The following PRKAG2 variants were observed in gnomAD, a reference collection of about 807,000 sequenced individuals.
PRKAG2 encodes the protein 5'-AMP-activated protein kinase subunit gamma-2.
PRKAG2 carries 26 observed loss-of-function variants against 69.6 expected under a neutral mutation model. The ratio of observed to expected loss-of-function variants is 0.37; its 90% CI spans 0.27 to 0.52. PRKAG2 has a LOEUF of 0.52. PRKAG2 is among the 20% of genes least tolerant of loss of function. The pLI is 0.90. For synonymous variants in PRKAG2, 293 were observed against 285.0 expected (o/e 1.03, Z -0.28); for missense variants, 557 against 740.0 (o/e 0.75, Z 2.87).
chr7:151,631,662 T>C (rs1272443132), intron 5 of PRKAG2: 2 of 456,688 alleles, frequency 4.4e-6, no homozygotes. Context: ...CAGGCGCAGA[T>C]AAGGGCACCA....
At chr7:151,608,069 G>A (rs1344960107) in intron 5 of PRKAG2, among the ~76,000 whole-genome samples, 1 of 152,164 alleles carries the variant, frequency 6.6e-6, no homozygotes, top group African/African-American at 2.4e-5. Flanking sequence ...AGGGCCACGT[G>A]AAGACAGGTG....
At chr7:151,718,312 C>G (rs1439027370) in intron 3 of PRKAG2, among the ~76,000 whole-genome samples, 2 of 152,070 alleles carry the variant, frequency 1.3e-5, no homozygotes, top group African/African-American at 4.8e-5. Context: ...TCTTGTAAGG[C>G]CACAGTCCTA....
chr7:151,852,767 C>T (rs1276462846), intron 1 of PRKAG2, among the ~76,000 whole-genome samples: 1 of 152,098 alleles, frequency 6.6e-6, no homozygotes, highest in African/African-American at 2.4e-5. Flanking sequence ...GGGGTGTGCA[C>T]GGAGCTTCTG....
intron 14 of PRKAG2, 39 bp downstream of exon 14, chr7:151,564,039 G>T (rs771409225): frequency 6.2e-7 from 1 of 1,613,312 alleles, no homozygotes; most frequent in South Asian, 1.1e-5. Flanking sequence ...ACTTGTTGCA[G>T]TGGACGTCGG....
intron 4 of PRKAG2, among the ~76,000 whole-genome samples, chr7:151,634,653 C>T (rs374960918): frequency 1.8e-4 from 28 of 152,132 alleles, no homozygotes; most frequent in East Asian, 7.7e-4. Context: ...ATAAACACTA[C>T]CAATATTAAA....
chr7:151,772,296 C>T (rs954600339), intron 3 of PRKAG2, among the ~76,000 whole-genome samples: 12 of 152,112 alleles, frequency 7.9e-5, no homozygotes, highest in Admixed American at 7.9e-4. Context: ...CTCTTCTATC[C>T]CTCTCCCACC....
chr7:151,802,558 T>C (rs1209840469), intron 1 of PRKAG2, among the ~76,000 whole-genome samples: 1 of 152,200 alleles, frequency 6.6e-6, no homozygotes, highest in Non-Finnish European at 1.5e-5. Flanking sequence ...CCTCTTAGTC[T>C]GCACTGCCCT....
At chr7:151,873,323 A>G (rs2080263988) in intron 1 of PRKAG2, among the ~76,000 whole-genome samples, 1 of 152,228 alleles carries the variant, frequency 6.6e-6, no homozygotes, top group Non-Finnish European at 1.5e-5. Flanking sequence ...CTCTCTAAAC[A>G]CATCAGGCCA....
intron 15 of PRKAG2, chr7:151,557,513 T>C (rs548768907): frequency 2.0e-6 from 2 of 984,402 alleles, no homozygotes; most frequent in East Asian, 1.1e-4. Flanking sequence ...CTAAGAAATA[T>C]GTAGGTATGT....
At chr7:151,679,614 C>T (rs1031629927) in intron 3 of PRKAG2, among the ~76,000 whole-genome samples, 1 of 152,188 alleles carries the variant, frequency 6.6e-6, no homozygotes, top group Non-Finnish European at 1.5e-5. Context: ...TGCCACCCCC[C>T]ACATCCTCAT....
At chr7:151,813,886 C>T (rs1487019259) in intron 1 of PRKAG2, among the ~76,000 whole-genome samples, 1 of 152,232 alleles carries the variant, frequency 6.6e-6, no homozygotes, top group East Asian at 1.9e-4. Flanking sequence ...CCCCAGAAAA[C>T]TGTGGGCCAT....
At position 151,850,572 on chromosome 7, in the gene PRKAG2, C is replaced by T. The variant is rs1479907219; in HGVS notation, c.114+25935G>A. 2.0e-5 allele frequency among the ~76,000 whole-genome samples: 3 copies of T among 152,180 alleles called. No homozygotes were observed. The highest frequency in any genetic ancestry group is 1.9e-4 in the East Asian group (1 of 5,180). On this transcript the variant is annotated intron_variant, in intron 1 of 15. Transcript: ENST00000287878. This position sits in a 1 kb window ranked among gnomAD's most constrained non-coding sequence, Gnocchi z 4.1. ...AAGCTCACACTCAGCCAAGGAGCCCCGAGCCTGGATTGGAACCCAGATGGA... is the reference window on the plus strand; with the variant it reads ...AAGCTCACACTCAGCCAAGGAGCCCTGAGCCTGGATTGGAACCCAGATGGA...
chr7:151,621,030 T>C (rs1821367430), intron 5 of PRKAG2, among the ~76,000 whole-genome samples: 1 of 152,224 alleles, frequency 6.6e-6, no homozygotes, highest in African/African-American at 2.4e-5. Context: ...GATTTCTTAA[T>C]CAACAGAAGA....
chr7:151,592,671 T>G (rs1375831020), intron 6 of PRKAG2, among the ~76,000 whole-genome samples: 2 of 152,326 alleles, frequency 1.3e-5, no homozygotes, highest in South Asian at 2.1e-4. Context: ...CAGCTTACTT[T>G]TTCTTTTCCT....
At chr7:151,586,360 A>G (rs1300790967) in intron 6 of PRKAG2, among the ~76,000 whole-genome samples, 1 of 152,106 alleles carries the variant, frequency 6.6e-6, no homozygotes, top group African/African-American at 2.4e-5. Flanking sequence ...TTCATGACCG[A>G]TTCCATTCAT....
intron 5 of PRKAG2, among the ~76,000 whole-genome samples, chr7:151,627,431 G>C (rs2151302673): frequency 6.6e-6 from 1 of 152,210 alleles, no homozygotes; most frequent in East Asian, 1.9e-4. Context: ...TTCGAGACCA[G>C]CCTGGGCACC....
intron 3 of PRKAG2, among the ~76,000 whole-genome samples, chr7:151,711,361 G>T (rs1254734021): frequency 2.0e-5 from 3 of 149,428 alleles, no homozygotes; most frequent in Non-Finnish European, 4.4e-5. Context: ...ATGCTAGGCT[G>T]AGAGTACTAA....
chr7:151,669,870 T>TTGCACAGTTGCA (rs1831608345), intron 4 of PRKAG2, among the ~76,000 whole-genome samples: 1 of 4,754 alleles, frequency 2.1e-4, no homozygotes, highest in South Asian at 8.6e-3. Context: ...GCATACATAC[T>TTGCACAGTTGCA]TGCACACACA....
chr7:151,855,538 A>AC (rs2079745845), intron 1 of PRKAG2, among the ~76,000 whole-genome samples: 1 of 122,574 alleles, frequency 8.2e-6, no homozygotes. Flanking sequence ...CCCTCCACAC[A>AC]CACCACTTTA....
Sources: gnomAD v4.1 joint callset for allele counts (sites outside exome capture counted in the v4.1 genomes callset) on GRCh38, gnomAD v4.1.1 for gene constraint, Gnocchi (gnomAD v3.1) non-coding constraint, MANE v1.5 for transcripts, NCBI Gene and HGNC (gene_info 2026-07-23, HGNC 2026-07-21) for gene names.